Variants in MIPOL1 observed in about 807,000 individuals in gnomAD.
MIPOL1 encodes mirror-image polydactyly 1, also known as mirror-image polydactyly gene 1 protein.
Under a neutral mutation model 60.9 loss-of-function variants are expected in MIPOL1, and 57 were observed. That is an observed-to-expected ratio of 0.94 (90% CI 0.76 to 1.17). MIPOL1 has a LOEUF of 1.17. Among genes scored for constraint, MIPOL1 ranks in the 50% most tolerant of loss-of-function variants. MIPOL1 has a pLI of 0.00. For missense variants in MIPOL1, 551 were observed against 511.6 expected (o/e 1.08, Z -0.74); for synonymous variants, 179 against 168.8 (o/e 1.06, Z -0.47).
chr14:37,254,878 T>A (rs1241154113), intron 3 of MIPOL1, among the ~76,000 whole-genome samples: 1 of 151,780 alleles, frequency 6.6e-6, no homozygotes, highest in Non-Finnish European at 1.5e-5. Flanking sequence ...GTTGGTATGA[T>A]CCTCTTTGTA....
intron 1 of MIPOL1, among the ~76,000 whole-genome samples, chr14:37,211,356 T>TTG (rs1384490576): frequency 1.3e-5 from 2 of 152,108 alleles, no homozygotes; most frequent in Non-Finnish European, 2.9e-5. Flanking sequence ...TGCCACTGCT[T>TTG]CCCCACTCCC....
chr14:37,280,968 T>A (rs927606857), intron 6 of MIPOL1, among the ~76,000 whole-genome samples: 1 of 152,226 alleles, frequency 6.6e-6, no homozygotes, highest in African/African-American at 2.4e-5. Context: ...CACTGTAGGT[T>A]GTCTCATTAT....
chr14:37,373,459 T>TA (rs2092695637), intron 10 of MIPOL1, among the ~76,000 whole-genome samples: 1 of 152,002 alleles, frequency 6.6e-6, no homozygotes, highest in Non-Finnish European at 1.5e-5. Context: ...GAGGGTTTGT[T>TA]ACACAGGTAT....
intron 9 of MIPOL1, 84 bp from the exon 10 acceptor site, chr14:37,369,433 G>A: frequency 1.2e-6 from 1 of 844,544 alleles, no homozygotes; most frequent in Non-Finnish European, 1.9e-6. Context: ...AGAATACAAT[G>A]ATATTATTTA....
intron 10 of MIPOL1, among the ~76,000 whole-genome samples, chr14:37,410,292 G>A (rs961168922): frequency 3.3e-5 from 5 of 152,000 alleles, no homozygotes; most frequent in African/African-American, 1.2e-4. Flanking sequence ...TACCAGCATG[G>A]CACATGTATA....
At chr14:37,203,589 G>A (rs1965633043) in intron 1 of MIPOL1, among the ~76,000 whole-genome samples, 1 of 152,120 alleles carries the variant, frequency 6.6e-6, no homozygotes, top group Non-Finnish European at 1.5e-5. Flanking sequence ...CAAAAATGGT[G>A]TGATGTCACT....
At chr14:37,388,169 CTT>C (rs2093128527) in intron 10 of MIPOL1, among the ~76,000 whole-genome samples, 1 of 151,084 alleles carries the variant, frequency 6.6e-6, no homozygotes, top group Admixed American at 6.6e-5. Flanking sequence ...AAAAAAAAAA[CTT>C]GAGGTAATCA....
intron 11 of MIPOL1, among the ~76,000 whole-genome samples, chr14:37,444,302 C>A (rs574255562): frequency 2.6e-5 from 4 of 152,026 alleles, no homozygotes; most frequent in African/African-American, 4.8e-5. Flanking sequence ...AGGTTGCATA[C>A]AAAATTATGA....
chr14:37,214,450 C>T (rs1019327329), intron 1 of MIPOL1, among the ~76,000 whole-genome samples: 6 of 151,970 alleles, frequency 3.9e-5, no homozygotes, highest in South Asian at 2.1e-4. Context: ...TCATTGTGGG[C>T]GGCAAGCCAC....
intron 12 of MIPOL1, among the ~76,000 whole-genome samples, chr14:37,508,353 A>G (rs1294856218): frequency 6.6e-6 from 1 of 152,046 alleles, no homozygotes; most frequent in African/African-American, 2.4e-5. Context: ...TTCAATTCCC[A>G]TTTACTCCTC....
chr14:37,262,035 G>A (rs964477014), intron 3 of MIPOL1, among the ~76,000 whole-genome samples: 1 of 136,182 alleles, frequency 7.3e-6, no homozygotes, highest in Admixed American at 7.8e-5. Flanking sequence ...TCCTGATAAT[G>A]TTATGTGGGG....
At chr14:37,327,009 A>G (rs1595152562) in intron 9 of MIPOL1, among the ~76,000 whole-genome samples, 1 of 152,224 alleles carries the variant, frequency 6.6e-6, no homozygotes, top group East Asian at 1.9e-4. Flanking sequence ...TGATTTGGCA[A>G]AGACTTAGAG....
intron 12 of MIPOL1, among the ~76,000 whole-genome samples, chr14:37,526,743 A>T (rs2095450209): frequency 6.6e-6 from 1 of 151,926 alleles, no homozygotes; most frequent in South Asian, 2.1e-4. Flanking sequence ...TTCCTCAAAC[A>T]TATTTTTGTG....
At chr14:37,464,626 G>T (rs1219807587) in intron 11 of MIPOL1, among the ~76,000 whole-genome samples, 2 of 152,132 alleles carry the variant, frequency 1.3e-5, no homozygotes, top group Non-Finnish European at 2.9e-5. Flanking sequence ...AAAATTGCCT[G>T]TTGGGTACAA....
intron 12 of MIPOL1, among the ~76,000 whole-genome samples, chr14:37,543,556 C>T (rs367752631): frequency 1.3e-5 from 2 of 152,140 alleles, no homozygotes; most frequent in African/African-American, 2.4e-5. Flanking sequence ...GGACTACAGG[C>T]GTGAGCCACC....
Position 37,299,807 on chromosome 14 carries a change from C to G in MIPOL1, c.624-8249C>G, listed in dbSNP as rs151002002. On this transcript the variant is annotated intron_variant, in intron 7 of 12. Coordinates refer to ENST00000684589, the MANE Select transcript of MIPOL1 (RefSeq NM_001388067.1). ...TTCTTTGGATTTCACTAATTTTTCT[C>G]AAATATCCTTTTATGCTCTAGGATC... is the stretch of plus-strand genomic sequence containing the variant. 8.6e-3 allele frequency among the ~76,000 whole-genome samples: 1,304 copies of G among 152,110 alleles called. 7 individuals are homozygous for G. The highest frequency in any genetic ancestry group is 0.031 in the Middle Eastern group (9 of 294).
intron 7 of MIPOL1, among the ~76,000 whole-genome samples, chr14:37,295,100 G>C (rs924048757): frequency 2.6e-5 from 4 of 152,216 alleles, no homozygotes; most frequent in Admixed American, 1.3e-4. Flanking sequence ...ACTAACTGCT[G>C]ATGTCTCAGC....
chr14:37,278,639 C>T (rs1324815164), intron 6 of MIPOL1: 1 of 151,740 alleles, frequency 6.6e-6, no homozygotes, highest in African/African-American at 2.4e-5. Context: ...TACATAACTA[C>T]CATAAGATGT....
chr14:37,302,741 G>A (rs903162166), intron 7 of MIPOL1, among the ~76,000 whole-genome samples: 19 of 147,618 alleles, frequency 1.3e-4, no homozygotes, highest in African/African-American at 4.8e-4. Flanking sequence ...AAAATAAGTT[G>A]ACTATATATC....
Sources: allele counts gnomAD v4.1 joint callset (sites outside exome capture counted in the v4.1 genomes callset), GRCh38; gene constraint gnomAD v4.1.1; transcripts MANE v1.5; gene names NCBI Gene and HGNC (gene_info 2026-07-23, HGNC 2026-07-21).